The following MAN2A1 variants were observed in gnomAD, a reference collection of about 807,000 sequenced individuals.
MAN2A1 encodes the protein alpha-mannosidase 2.
MAN2A1 carries 76 observed loss-of-function variants against 142.6 expected under a neutral mutation model. The ratio of observed to expected loss-of-function variants is 0.53; its 90% CI spans 0.44 to 0.65. The LOEUF (loss-of-function observed/expected upper bound fraction) is 0.65. MAN2A1 is among the 30% of genes least tolerant of loss of function. The pLI, the probability that MAN2A1 is intolerant of heterozygous loss-of-function variation, is 0.00. For synonymous variants in MAN2A1, 559 were observed against 473.2 expected (o/e 1.18, Z -2.35); for missense variants, 1,311 against 1,365.1 (o/e 0.96, Z 0.62).
chr5:109,738,222 G>A (rs1412399682), intron 4 of MAN2A1, among the ~76,000 whole-genome samples: 1 of 145,142 alleles, frequency 6.9e-6, no homozygotes, highest in Non-Finnish European at 1.5e-5. Context: ...TTTATTTTTT[G>A]GGTATTTTAT....
intron 9 of MAN2A1, among the ~76,000 whole-genome samples, chr5:109,782,825 G>A (rs186020436): frequency 6.8e-4 from 103 of 152,080 alleles, no homozygotes; most frequent in African/African-American, 2.4e-3. Flanking sequence ...TGGAGTACAT[G>A]TGATATTTTG....
intron 3 of MAN2A1, among the ~76,000 whole-genome samples, chr5:109,719,929 A>T (rs1473194474): frequency 6.6e-6 from 1 of 152,178 alleles, no homozygotes; most frequent in East Asian, 1.9e-4. Flanking sequence ...TTGGAAAAGA[A>T]TTGTGAAGTA....
Position 109,839,649 on chromosome 5 carries a change from CTTTT to C in MAN2A1, c.2567-2662_2567-2659del, listed in dbSNP as rs34820879. ...CAACATAGTGAGGCCCTGTCTCTCT[CTTTT>C]TTTTTTTTTTTTTTTTAAATAACAT... On this transcript the variant is annotated intron_variant, in intron 16 of 21. Transcript: ENST00000261483. 2.7e-5 allele frequency among the ~76,000 whole-genome samples: 3 copies of C among 109,802 alleles called. No homozygotes were observed. The East Asian group carries it at 1.5e-3, about 54-fold the overall frequency. The allele number at this position is 109,802 out of a possible 152,430, so 72.0% of individuals were successfully genotyped here.
intron 12 of MAN2A1, among the ~76,000 whole-genome samples, chr5:109,806,933 A>C (rs1013703294): frequency 6.6e-6 from 1 of 152,216 alleles, no homozygotes; most frequent in African/African-American, 2.4e-5. Context: ...GAAAGGTGTG[A>C]AATAAACTTT....
chr5:109,782,099 A>G lies in MAN2A1; in HGVS notation c.1577+501A>G, dbSNP rs73785029. Among the ~76,000 whole-genome samples the G allele has an allele frequency of 6.3e-3, 962 of 152,298 alleles. 14 individuals carry two copies. Among genetic ancestry groups the G allele is most frequent in the African/African-American group, 0.022 (896 of 41,570 alleles). The stretch of plus-strand genomic sequence containing the variant: ...GACTAGGCTTCATCTCAGTTCTTAC[A>G]TACTTATTTGAAGCACATTTCTATA... On this transcript the variant is annotated intron_variant, in intron 9 of 21. Coordinates refer to ENST00000261483, the MANE Select transcript of MAN2A1 (RefSeq NM_002372.4).
intron 1 of MAN2A1, among the ~76,000 whole-genome samples, chr5:109,696,638 A>G (rs1750820330): frequency 6.6e-6 from 1 of 152,092 alleles, no homozygotes; most frequent in Non-Finnish European, 1.5e-5. Context: ...TGCCAACATC[A>G]CTGTTCTCTC....
chr5:109,809,495 A>G (rs763288705), intron 12 of MAN2A1, among the ~76,000 whole-genome samples: 5 of 152,054 alleles, frequency 3.3e-5, no homozygotes, highest in Non-Finnish European at 7.4e-5. Flanking sequence ...ATCATTTTCT[A>G]AGGATATTTT....
chr5:109,755,479 T>C (rs181802622), intron 5 of MAN2A1, 23 bp downstream of exon 5: 12 of 1,588,886 alleles, frequency 7.6e-6, no homozygotes, highest in Admixed American at 6.9e-5. Flanking sequence ...ATATTCTTTA[T>C]TTGGGCTATT....
chr5:109,706,099 A>G (rs868215712), intron 1 of MAN2A1, among the ~76,000 whole-genome samples: 57 of 152,344 alleles, frequency 3.7e-4, no homozygotes, highest in African/African-American at 1.3e-3. Flanking sequence ...ACCAGGCGCT[A>G]TTTAAATTTA....
intron 5 of MAN2A1, among the ~76,000 whole-genome samples, chr5:109,759,958 T>TAG (rs1554076300): frequency 1.3e-3 from 28 of 21,950 alleles, no homozygotes; most frequent in African/African-American, 6.9e-3. Context: ...TATATATATA[T>TAG]ATATATAGAT....
intron 16 of MAN2A1, among the ~76,000 whole-genome samples, chr5:109,827,268 C>G (rs1428837145): frequency 6.6e-6 from 1 of 152,132 alleles, no homozygotes; most frequent in Non-Finnish European, 1.5e-5. Context: ...AATAAAGAAA[C>G]AGAAAATGAG....
chr5:109,830,067 G>T (rs755371023), intron 16 of MAN2A1, among the ~76,000 whole-genome samples: 1 of 152,070 alleles, frequency 6.6e-6, no homozygotes, highest in Non-Finnish European at 1.5e-5. Flanking sequence ...TCTGATAGGG[G>T]CTCTTATCAA....
At chr5:109,775,006 C>T (rs748078096) in intron 8 of MAN2A1, 41 bp downstream of exon 8, 2 of 1,366,226 alleles carry the variant, frequency 1.5e-6, no homozygotes, top group Non-Finnish European at 2.0e-6. Context: ...TGAAATTGAA[C>T]CTTTATTATT....
chr5:109,855,415 T>C (rs1755583042), intron 20 of MAN2A1, 81 bp downstream of exon 20: 1 of 838,674 alleles, frequency 1.2e-6, no homozygotes, highest in South Asian at 2.6e-5. Context: ...GAGAAAAAAA[T>C]AATGTATGCT....
At chr5:109,865,878 C>T (rs1250563241) in intron 21 of MAN2A1, among the ~76,000 whole-genome samples, 1 of 152,194 alleles carries the variant, frequency 6.6e-6, no homozygotes, top group African/African-American at 2.4e-5. Context: ...GGCCATGACT[C>T]AGAGAAGGCA....
At chr5:109,696,877 T>G (rs1354460344) in intron 1 of MAN2A1, among the ~76,000 whole-genome samples, 1 of 152,250 alleles carries the variant, frequency 6.6e-6, no homozygotes, top group Non-Finnish European at 1.5e-5. Context: ...TCAGGATGCC[T>G]GAAATTCACT....
chr5:109,727,661 T>C (rs561738651), intron 3 of MAN2A1, among the ~76,000 whole-genome samples: 1 of 152,352 alleles, frequency 6.6e-6, no homozygotes, highest in Non-Finnish European at 1.5e-5. Context: ...ATTTCCCCTT[T>C]ACCTAATTTA....
chr5:109,716,123 T>A lies in MAN2A1; in HGVS notation c.394T>A (p.Leu132Met). 6.3e-7 allele frequency: 1 copy of A among 1,592,912 alleles called. No homozygotes were observed. The highest frequency in any genetic ancestry group is 8.5e-7 in the Non-Finnish European group (1 of 1,170,474). ...TTTTTTTCTTTTACATTTTTAGATG[T>A]TGGATGTTTACAGTCTAATTTCTTT... ...SGSHNSDVQM[L>M]DVYSLISFDN... is the part of the protein sequence containing the mutation. Residue 132 changes from leucine to methionine, a missense_variant, in exon 3 of 22, where the codon TTG becomes ATG. This residue lies in a region of MAN2A1 where 409 missense variants were observed against 412.7 expected (regional missense o/e 0.99). Coordinates refer to ENST00000261483, the MANE Select transcript of MAN2A1 (RefSeq NM_002372.4).
intron 1 of MAN2A1, among the ~76,000 whole-genome samples, chr5:109,707,059 T>C (rs556167771): frequency 2.6e-5 from 4 of 152,336 alleles, no homozygotes; most frequent in African/African-American, 9.6e-5. Context: ...TGGAAAACTT[T>C]TGATTGGACT....
Sources: gnomAD v4.1 joint callset for allele counts (sites outside exome capture counted in the v4.1 genomes callset) on GRCh38, gnomAD v4.1.1 for gene constraint, gnomAD v4.1.1 regional missense constraint, MANE v1.5 for transcripts, NCBI Gene and HGNC (gene_info 2026-07-23, HGNC 2026-07-21) for gene names.